YAP1: variants seen among roughly 807,000 people sequenced by gnomAD.
YAP1 encodes the protein transcriptional coactivator YAP1.
In YAP1, 5 loss-of-function variants were observed where a neutral mutation model predicts 56.9. The ratio of observed to expected loss-of-function variants is 0.09; its 90% confidence interval spans 0.05 to 0.18. The LOEUF is 0.18. Ranked by LOEUF, YAP1 falls within the 10% of genes least tolerant of loss-of-function variation. YAP1 has a pLI of 1.00. For synonymous variants in YAP1, 265 were observed against 248.1 expected (o/e 1.07, Z -0.64); for missense variants, 539 against 651.8 (o/e 0.83, Z 1.88).
intron 2 of YAP1, among the ~76,000 whole-genome samples, chr11:102,135,124 C>T (rs1014367724): frequency 2.0e-5 from 3 of 152,130 alleles, no homozygotes; most frequent in Non-Finnish European, 1.5e-5. Flanking sequence ...CCACGTTAGC[C>T]TCCCAAAGTA....
intron 4 of YAP1, among the ~76,000 whole-genome samples, chr11:102,188,296 A>G (rs1948092153): frequency 6.6e-6 from 1 of 152,110 alleles, no homozygotes; most frequent in Admixed American, 6.6e-5. Context: ...ATATTTATCA[A>G]TTTTTGGCTT....
chr11:102,127,975 C>T (rs564491852), intron 2 of YAP1, among the ~76,000 whole-genome samples: 52 of 152,296 alleles, frequency 3.4e-4, no homozygotes, highest in African/African-American at 1.3e-3. Flanking sequence ...TTCTTCCATT[C>T]AGAATGGCTG....
At chr11:102,186,848 T>TGTGTGTGTGTGTGTG (rs1947990622) in intron 4 of YAP1, among the ~76,000 whole-genome samples, 1 of 44,402 alleles carries the variant, frequency 2.3e-5, no homozygotes, top group African/African-American at 6.2e-5. Context: ...GTGTGTGTGT[T>TGTGTGTGTGTGTGTG]TTAAACTGTT....
intron 5 of YAP1, among the ~76,000 whole-genome samples, chr11:102,207,673 C>T (rs1949190989): frequency 6.6e-6 from 1 of 152,080 alleles, no homozygotes; most frequent in Non-Finnish European, 1.5e-5. Context: ...ACTACCTGAA[C>T]TCTGATTTGG....
intron 2 of YAP1, among the ~76,000 whole-genome samples, chr11:102,125,983 T>C (rs939685883): frequency 6.6e-6 from 1 of 152,008 alleles, no homozygotes; most frequent in African/African-American, 2.4e-5. Context: ...CCAGTGGTGA[T>C]GGGAGTTAGG....
intron 6 of YAP1, among the ~76,000 whole-genome samples, chr11:102,217,854 C>T (rs1340161767): frequency 2.0e-5 from 3 of 152,164 alleles, no homozygotes; most frequent in African/African-American, 7.2e-5. Flanking sequence ...CACCTGCCAT[C>T]ACACCCAGCT....
At chr11:102,120,603 T>TG (rs1242540163) in intron 2 of YAP1, among the ~76,000 whole-genome samples, 5 of 152,196 alleles carry the variant, frequency 3.3e-5, no homozygotes, top group Non-Finnish European at 7.3e-5. Flanking sequence ...GATTCTCAGT[T>TG]GGGGGTGGGT....
intron 6 of YAP1, among the ~76,000 whole-genome samples, chr11:102,211,994 C>T (rs1273296484): frequency 3.3e-5 from 5 of 152,122 alleles, no homozygotes; most frequent in African/African-American, 1.2e-4. Context: ...TGAGCCACCG[C>T]GCCCAGCCAG....
At chr11:102,160,601 CG>C (rs1565214641) in intron 2 of YAP1, among the ~76,000 whole-genome samples, 2 of 152,080 alleles carry the variant, frequency 1.3e-5, no homozygotes, top group African/African-American at 4.8e-5. Flanking sequence ...TTAGAAAAAC[CG>C]TTTTTTACTT....
chr11:102,211,966 G>A (rs1038792516), intron 6 of YAP1, among the ~76,000 whole-genome samples: 3 of 152,118 alleles, frequency 2.0e-5, no homozygotes, highest in African/African-American at 2.4e-5. Flanking sequence ...GCCTCCCAAA[G>A]CACTGGTATT....
At chr11:102,150,824 A>C (rs1945601930) in intron 2 of YAP1, among the ~76,000 whole-genome samples, 1 of 29,852 alleles carries the variant, frequency 3.3e-5, no homozygotes, top group South Asian at 3.0e-3. Context: ...TTTTTTGGAG[A>C]CAGTCTTGCT....
chr11:102,207,401 G>C (rs537978745), intron 5 of YAP1, among the ~76,000 whole-genome samples: 2 of 151,540 alleles, frequency 1.3e-5, no homozygotes, highest in Non-Finnish European at 2.9e-5. Flanking sequence ...TTTAAAAATC[G>C]TCATACTCGG....
intron 2 of YAP1, among the ~76,000 whole-genome samples, chr11:102,160,840 C>T (rs1476174583): frequency 6.6e-6 from 1 of 152,118 alleles, no homozygotes; most frequent in Non-Finnish European, 1.5e-5. Flanking sequence ...GACTGTGCCC[C>T]ATCAATAATC....
chr11:102,217,192 A>C (rs1017361751), intron 6 of YAP1, among the ~76,000 whole-genome samples: 1 of 152,206 alleles, frequency 6.6e-6, no homozygotes, highest in Non-Finnish European at 1.5e-5. Flanking sequence ...TAGCAATATA[A>C]TTTCCCAGAA....
chr11:102,163,855 T>A (rs1946438532), intron 3 of YAP1, among the ~76,000 whole-genome samples: 1 of 152,148 alleles, frequency 6.6e-6, no homozygotes, highest in Non-Finnish European at 1.5e-5. Context: ...TTTGGTGGGT[T>A]GAACATTTGA....
At chr11:102,112,598 A>C in intron 1 of YAP1, 1 of 984,980 alleles carries the variant, frequency 1.0e-6, no homozygotes, top group Non-Finnish European at 1.2e-6. Context: ...TCCTATTTGC[A>C]GGCCTGTTGT....
At chr11:102,180,440 T>C (rs987302753) in intron 3 of YAP1, among the ~76,000 whole-genome samples, 2 of 151,772 alleles carry the variant, frequency 1.3e-5, no homozygotes, top group Non-Finnish European at 2.9e-5. Flanking sequence ...CCCAGCACTT[T>C]GGGAGGCCGA....
chr11:102,224,793 G>A (rs1950114937), intron 7 of YAP1, among the ~76,000 whole-genome samples: 1 of 152,198 alleles, frequency 6.6e-6, no homozygotes, highest in Non-Finnish European at 1.5e-5. Flanking sequence ...AAAAGTAAGT[G>A]TATTTATATA....
rs201100093 is a variant in YAP1 at position 102,221,321 on chromosome 11, G to GT, written c.1033-2292dup. On this transcript the variant is annotated intron_variant, in intron 6 of 8. Transcript: ENST00000282441. ...GTTCCCTCTCAGGACATTGGTGTTT[G>GT]TTTTTTTTTAAAGTACAGGATTGAA... is the stretch of plus-strand genomic sequence containing the variant. Among the ~76,000 whole-genome samples the GT allele has an allele frequency of 5.6e-3, 841 of 151,494 alleles. 7 individuals carry two copies. The highest frequency in any genetic ancestry group is 9.3e-3 in the Non-Finnish European group (630 of 67,804).
Sources: allele counts gnomAD v4.1 joint callset (sites outside exome capture counted in the v4.1 genomes callset), GRCh38; gene constraint gnomAD v4.1.1; transcripts MANE v1.5; gene names NCBI Gene and HGNC (gene_info 2026-07-23, HGNC 2026-07-21).